The following ATXN7L2 variants were observed in gnomAD, a reference collection of about 807,000 sequenced individuals.
ATXN7L2 encodes the protein ataxin-7-like protein 2.
ATXN7L2 carries 17 observed loss-of-function variants against 59.6 expected under a neutral mutation model. That is an observed-to-expected ratio of 0.29 (90% CI 0.20 to 0.43). The LOEUF is 0.43. ATXN7L2 is among the 20% of genes least tolerant of loss of function. ATXN7L2 has a pLI of 1.00. For synonymous variants in ATXN7L2, 378 were observed against 392.5 expected, an observed-to-expected ratio of 0.96 and a Z score of 0.44; for missense variants, 858 against 1,008.9, an observed-to-expected ratio of 0.85 and a Z score of 2.03.
rs1657075022 is a variant in ATXN7L2 at position 109,491,539 on chromosome 1, C to T, written c.2072C>T (p.Pro691Leu). 6.2e-7 allele frequency: 1 copy of T among 1,613,892 alleles called. No individual in the cohort carries two copies. Among genetic ancestry groups the T allele is most frequent in the African/African-American group, 1.3e-5 (1 of 74,948 alleles). Residue 691 changes from proline to leucine, a missense_variant, in exon 10 of 11, where the codon CCA (proline) becomes CTA (leucine). Coordinates refer to ENST00000683729, the MANE Select transcript of ATXN7L2 (RefSeq NM_001350175.2). This position sits in a 1 kb window ranked among gnomAD's most constrained non-coding sequence, Gnocchi z 4.1. ...GCTGGACACCCAGCCAAGGCCCTGC[C>T]AACCAACTGCCTCTCTGAGGAGGAG... ...GAAGHPAKALPTNCLSEEEVA... is the reference protein window; with the variant it reads ...GAAGHPAKALLTNCLSEEEVA...
At chr1:109,489,825 T>C in intron 7 of ATXN7L2, 105 bp from the exon 8 acceptor site, 1 of 1,173,576 alleles carries the variant, frequency 8.5e-7, no homozygotes, top group Middle Eastern at 2.9e-4. Context: ...CCCTGCAGGG[T>C]GTCTGCCCTG....
chr1:109,487,743 C>G lies in ATXN7L2; in HGVS notation c.735C>G (p.Ser245Arg). ...GGTCCAGTCACTGGGCTGAAGGCAG[C>G]CCTCCTGAAAAGGAGCCCAGTGGGA... ...SEGSSHWAEG[S>R]PPEKEPSGTR... is the part of the protein sequence containing the mutation. The change falls in exon 5 of 11, where the codon AGC becomes AGG. Residue 245 changes from serine to arginine, a missense_variant. This residue lies in a region of ATXN7L2 where 734 missense variants were observed against 862.3 expected (regional missense o/e 0.85). Coordinates refer to ENST00000683729, the MANE Select transcript of ATXN7L2 (RefSeq NM_001350175.2). 1.2e-6 allele frequency: 2 copies of G among 1,612,406 alleles called. No homozygotes were observed. Among genetic ancestry groups the G allele is most frequent in the Non-Finnish European group, 1.7e-6 (2 of 1,179,268 alleles).
In ATXN7L2 at chr1:109,486,587, C is replaced by G; in HGVS notation, c.275C>G (p.Pro92Arg). The G allele has an allele frequency of 6.2e-7, 1 of 1,614,070 alleles. No homozygotes were observed. The highest frequency in any genetic ancestry group is 8.5e-7 in the Non-Finnish European group (1 of 1,179,940). Residue 92 changes from proline (P) to arginine (R), a missense_variant, in exon 3 of 11, where the codon CCT becomes CGT. Around this residue, in one of 3 missense-constraint regions of ATXN7L2, gnomAD observed 29 missense variants for 64.0 expected, o/e 0.45. Transcript: ENST00000683729. The surrounding 1 kb of genome is among the most constrained non-coding windows in gnomAD (Gnocchi z 4.3). ...AACCACTGCAGCCAAGTGGTGAAGC[C>G]TCAAGCTTTCCAGAAGCACTGCGGT... ...VCNHCSQVVK[P>R]QAFQKHCERR...
At chr1:109,485,485 T>G in intron 1 of ATXN7L2, 1 of 985,412 alleles carries the variant, frequency 1.0e-6, no homozygotes, top group Non-Finnish European at 1.2e-6. Context: ...CCTGAGAAGC[T>G]GGGTGTAACT....
At chr1:109,485,385 A>AGTC (rs1656506371) in intron 1 of ATXN7L2, 1 of 985,362 alleles carries the variant, frequency 1.0e-6, no homozygotes, top group Non-Finnish European at 1.2e-6. Context: ...AAGGGGAGGG[A>AGTC]CTTGCATAGC....
chr1:109,485,932 G>T, intron 1 of ATXN7L2, 125 bp from the exon 2 acceptor site: 3 of 1,363,504 alleles, frequency 2.2e-6, no homozygotes, highest in East Asian at 2.8e-5. Flanking sequence ...TGCAGGCCCT[G>T]CTTGGGGCTT....
At chr1:109,485,418 G>A (rs1656510541) in intron 1 of ATXN7L2, 1 of 985,448 alleles carries the variant, frequency 1.0e-6, no homozygotes. Flanking sequence ...CTTTGAAGAT[G>A]CTCAAGGACC....
intron 7 of ATXN7L2, chr1:109,489,367 C>G: frequency 3.9e-6 from 2 of 513,106 alleles, no homozygotes; most frequent in Non-Finnish European, 6.9e-6. Flanking sequence ...CTCCAACAGA[C>G]CGAAACTTGT....
In ATXN7L2 at chr1:109,487,632, C is replaced by T; in HGVS notation, c.624C>T (p.Thr208=). The change falls in exon 5 of 11, where the codon ACC becomes ACT. Residue 208 remains threonine (T), a synonymous_variant. Transcript: ENST00000683729. ...SAFLSQPGGL[T]KDSPGKPPMA... ...TTCTCAGCCAGCCAGGGGGCCTCAC[C>T]AAGGACTCCCCTGGAAAACCTCCCA... 1 of 1,604,256 alleles carries T rather than the reference C, an allele frequency of 6.2e-7. No individual in the cohort carries two copies. Among genetic ancestry groups the T allele is most frequent in the Non-Finnish European group, 8.5e-7 (1 of 1,175,488 alleles).
chr1:109,488,700 G>T lies in ATXN7L2; in HGVS notation c.880-147G>T. The T allele has an allele frequency of 8.5e-7, 1 of 1,170,950 alleles. No individual in the cohort carries two copies. The highest frequency in any genetic ancestry group is 1.2e-6 in the Non-Finnish European group (1 of 827,572). 72.5% of individuals were successfully genotyped at this position (1,170,950 alleles called of 1,614,324 possible). On this transcript the variant is annotated intron_variant, in intron 6 of 10. Transcript: ENST00000683729. This position sits in a 1 kb window ranked among gnomAD's most constrained non-coding sequence, Gnocchi z 5.0. ...AAAGGAGGGTTTTGGCCCCATGGGGGAATGAAACAAAGACACATGAACACA... is the reference window on the plus strand; with the variant it reads ...AAAGGAGGGTTTTGGCCCCATGGGGTAATGAAACAAAGACACATGAACACA...
chr1:109,489,717 T>C (rs937874274), intron 7 of ATXN7L2: 7 of 597,094 alleles, frequency 1.2e-5, no homozygotes, highest in Middle Eastern at 4.4e-4. Flanking sequence ...GTGAAGGGGC[T>C]GGGGAGAGAA....
At chr1:109,492,251 C>G in intron 10 of ATXN7L2, 1 of 516,960 alleles carries the variant, frequency 1.9e-6, no homozygotes, top group Non-Finnish European at 2.8e-6. Flanking sequence ...GTAAAGCCTG[C>G]AGCCAGTTTT....
chr1:109,491,423 A>C lies in ATXN7L2; in HGVS notation c.1956A>C (p.Arg652Ser), dbSNP rs1403065169. 1 of 1,614,186 alleles carries C rather than the reference A, an allele frequency of 6.2e-7. No homozygotes were observed. The highest frequency in any genetic ancestry group is 1.7e-5 in the Admixed American group (1 of 60,030). Residue 652 changes from arginine (R) to serine (S), a missense_variant, in exon 10 of 11, where the codon AGA becomes AGC. Transcript: ENST00000683729. The surrounding 1 kb of genome is among the most constrained non-coding windows in gnomAD (Gnocchi z 4.1). ...GGCTTAATGGGACAATGGGGCCAAG[A>C]GTGAAGCGGGCAGGGCCCCTGGACT... Reference protein sequence around the residue: ...SMGLNGTMGPRVKRAGPLDCR... With the variant: ...SMGLNGTMGPSVKRAGPLDCR...
rs1455135536 is a variant in ATXN7L2 at position 109,488,021 on chromosome 1, G to A, written c.796+217G>A. On this transcript the variant is annotated intron_variant, in intron 5 of 10. Transcript: ENST00000683729. This position sits in a 1 kb window ranked among gnomAD's most constrained non-coding sequence, Gnocchi z 5.0. ...CAAGGCTGAGGGAGCCCATGCCCAG[G>A]AGGTGAAGTTCTTTCTCACTCTTTT... 6.6e-6 allele frequency among the ~76,000 whole-genome samples: 1 copy of A among 152,206 alleles called. No individual in the cohort carries two copies. The highest frequency in any genetic ancestry group is 1.5e-5 in the Non-Finnish European group (1 of 68,038).
In ATXN7L2 at chr1:109,491,863, G is replaced by A. The variant is rs2101041389; in HGVS notation, c.2250+146G>A. On this transcript the variant is annotated intron_variant, in intron 10 of 10. Transcript: ENST00000683729. The surrounding 1 kb of genome is among the most constrained non-coding windows in gnomAD (Gnocchi z 4.1). Reference sequence around the variant, plus strand: ...CCTGGACTGTTTTCTTTAGGAAGAGGTAGGTCAGTTCTTAGCAAAGTGACT... The same window carrying A: ...CCTGGACTGTTTTCTTTAGGAAGAGATAGGTCAGTTCTTAGCAAAGTGACT... 8.9e-6 allele frequency: 11 copies of A among 1,229,880 alleles called. No individual in the cohort carries two copies. Among genetic ancestry groups the A allele is most frequent in the Admixed American group, 2.9e-5 (1 of 34,658 alleles). The allele number at this position is 1,229,880 out of a possible 1,614,324, so 76.2% of individuals were successfully genotyped here. A position where few individuals can be genotyped will look rare whatever the true frequency, so the allele number is the denominator to read the frequency against.
chr1:109,490,871 G>GAAGCTGTCT (rs776577363), intron 9 of ATXN7L2, 51 bp from the exon 10 acceptor site: 21 of 1,515,032 alleles, frequency 1.4e-5, no homozygotes, highest in Non-Finnish European at 1.8e-5. Context: ...TGTGTTGGGG[G>GAAGCTGTCT]AAGCTGTCTT....
Position 109,486,510 on chromosome 1 carries a change from G to C in ATXN7L2, c.198G>C (p.Met66Ile). The change falls in exon 3 of 11, where the codon ATG (methionine) becomes ATC (isoleucine). Residue 66 changes from methionine (M) to isoleucine (I), a missense_variant. Physicochemically the swap from Met to Ile is conservative, Grantham distance 10 (BLOSUM62 1). Coordinates refer to ENST00000683729, the MANE Select transcript of ATXN7L2 (RefSeq NM_001350175.2). The surrounding 1 kb of genome is among the most constrained non-coding windows in gnomAD (Gnocchi z 4.3). ...CATGGGCTTCTGTCATTGCAGACAT[G>C]TCCATCTTCGGGCACTGCCCTGCCC... ...LDAMTLIKED[M>I]SIFGHCPAHD... 1 of 1,611,996 alleles carries C rather than the reference G, an allele frequency of 6.2e-7. No homozygotes were observed. Among genetic ancestry groups the C allele is most frequent in the Non-Finnish European group, 8.5e-7 (1 of 1,178,248 alleles).
At chr1:109,487,251 C>T in intron 4 of ATXN7L2, 34 bp downstream of exon 4, 1 of 1,459,738 alleles carries the variant, frequency 6.9e-7, no homozygotes, top group African/African-American at 1.4e-5. Context: ...TAAGACTGGC[C>T]CTGACCCTGA....
chr1:109,492,804 A>C (rs1657205642), downstream of ATXN7L2: 2 of 670,098 alleles, frequency 3.0e-6, no homozygotes, highest in Admixed American at 6.1e-5. Context: ...AGGAAAAAAA[A>C]TAACAAAATG....
Sources: gnomAD v4.1 joint callset for allele counts (sites outside exome capture counted in the v4.1 genomes callset) on GRCh38, gnomAD v4.1.1 for gene constraint, gnomAD v4.1.1 regional missense constraint, Gnocchi (gnomAD v3.1) non-coding constraint, MANE v1.5 for transcripts, NCBI Gene and HGNC (gene_info 2026-07-23, HGNC 2026-07-21) for gene names.